The following RPS6KA2 variants were observed in gnomAD, a reference collection of about 807,000 sequenced individuals.
The protein encoded by RPS6KA2 is ribosomal protein S6 kinase A2.
A neutral mutation model predicts 91.8 loss-of-function variants in RPS6KA2; 42 were observed. The observed-to-expected ratio is 0.46, with a 90% confidence interval of 0.36 to 0.59. RPS6KA2 has a LOEUF of 0.59. Ranked by LOEUF, RPS6KA2 falls within the 20% of genes least tolerant of loss-of-function variation. The pLI, the probability that RPS6KA2 is intolerant of heterozygous loss-of-function variation, is 0.00. For synonymous variants in RPS6KA2, 414 were observed against 393.6 expected, an observed-to-expected ratio of 1.05 and a Z score of -0.61; for missense variants, 798 against 978.5, an observed-to-expected ratio of 0.82 and a Z score of 2.46.
At chr6:166,744,187 C>T (rs1373316529) in intron 2 of RPS6KA2, among the ~76,000 whole-genome samples, 1 of 152,260 alleles carries the variant, frequency 6.6e-6, no homozygotes, top group East Asian at 1.9e-4. Context: ...GAAATTCCAT[C>T]CACCGACCTG....
rs963760993 is a variant in RPS6KA2 at position 166,626,555 on chromosome 6, A to G, written c.99+366T>C. On this transcript the variant is annotated intron_variant, in intron 1 of 20. Transcript: ENST00000265678. The surrounding 1 kb of genome is among the most constrained non-coding windows in gnomAD (Gnocchi z 4.1). ...GCTTCTCCACTCGGGACTTTGAGGG[A>G]CCCCCGCGGAGCGCTCCGCGCCACT... 1.3e-5 allele frequency among the ~76,000 whole-genome samples: 2 copies of G among 152,046 alleles called. No individual in the cohort carries two copies. Among genetic ancestry groups the G allele is most frequent in the African/African-American group, 4.8e-5 (2 of 41,474 alleles).
chr6:166,497,180 C>A (rs1391077014), intron 8 of RPS6KA2, among the ~76,000 whole-genome samples: 2 of 152,242 alleles, frequency 1.3e-5, no homozygotes, highest in Non-Finnish European at 2.9e-5. Context: ...ATGGAGAGGA[C>A]CTGCTCCTTA....
At chr6:166,532,244 T>A (rs1418461117) in intron 2 of RPS6KA2, among the ~76,000 whole-genome samples, 5 of 152,142 alleles carry the variant, frequency 3.3e-5, no homozygotes, top group Admixed American at 2.6e-4. Context: ...CAAGTGAGCA[T>A]CCGTGTGGAG....
At chr6:166,462,262 C>T (rs961429475) in intron 11 of RPS6KA2, among the ~76,000 whole-genome samples, 5 of 152,244 alleles carry the variant, frequency 3.3e-5, no homozygotes, top group Non-Finnish European at 5.9e-5. Flanking sequence ...CCATGGAACC[C>T]CCGGTGGGGC....
intron 14 of RPS6KA2, among the ~76,000 whole-genome samples, chr6:166,442,563 A>C (rs1324113735): frequency 1.3e-5 from 2 of 152,014 alleles, no homozygotes; most frequent in African/African-American, 2.4e-5. Context: ...TGAAGTATTT[A>C]CTCTCGTCAT....
At chr6:166,646,130 C>T (rs887674390) in intron 2 of RPS6KA2, among the ~76,000 whole-genome samples, 2 of 152,200 alleles carry the variant, frequency 1.3e-5, no homozygotes, top group Non-Finnish European at 2.9e-5. Flanking sequence ...GCACTGAACC[C>T]ATGACCCAGG....
At chr6:166,675,000 G>A (rs1359572733) in intron 2 of RPS6KA2, among the ~76,000 whole-genome samples, 1 of 152,174 alleles carries the variant, frequency 6.6e-6, no homozygotes, top group African/African-American at 2.4e-5. Flanking sequence ...ATATTTCTAC[G>A]AAATATTCTG....
At position 166,459,629 on chromosome 6, in the gene RPS6KA2, T is replaced by C. The variant is rs2128459837; in HGVS notation, c.973-78A>G. 2.0e-6 allele frequency: 2 copies of C among 993,806 alleles called. No homozygotes were observed. Among genetic ancestry groups the C allele is most frequent in the Non-Finnish European group, 3.1e-6 (2 of 640,686 alleles). The allele number at this position is 993,806 out of a possible 1,614,324, so 61.6% of individuals were successfully genotyped here. ...ACAGAACACTGGGGACAGAGAAACC[T>C]GCTGTGGGGAGGGAAGGATGTTCTT... is the stretch of plus-strand genomic sequence containing the variant. On this transcript the variant is annotated intron_variant, in intron 11 of 20. Transcript: ENST00000265678. The surrounding 1 kb of genome is among the most constrained non-coding windows in gnomAD (Gnocchi z 4.9).
At chr6:166,636,297 C>T (rs545510834) in intron 2 of RPS6KA2, among the ~76,000 whole-genome samples, 2 of 152,194 alleles carry the variant, frequency 1.3e-5, no homozygotes, top group South Asian at 2.1e-4. Flanking sequence ...CCTGCAGAGG[C>T]CTTTCTGGAT....
At chr6:166,809,868 G>A (rs1232992463) in intron 2 of RPS6KA2, among the ~76,000 whole-genome samples, 2 of 152,222 alleles carry the variant, frequency 1.3e-5, no homozygotes, top group East Asian at 3.8e-4. Context: ...ATGTGAGGAC[G>A]CTCATGCAGC....
chr6:166,792,535 G>T (rs1326845777), intron 2 of RPS6KA2, among the ~76,000 whole-genome samples: 11 of 151,714 alleles, frequency 7.3e-5, no homozygotes, highest in African/African-American at 2.7e-4. Flanking sequence ...ACCAAAGCCT[G>T]GCAGAGACAC....
chr6:166,475,129 C>T (rs1583181989), intron 10 of RPS6KA2, among the ~76,000 whole-genome samples: 1 of 140,344 alleles, frequency 7.1e-6, no homozygotes, highest in Middle Eastern at 3.6e-3. Flanking sequence ...GTGTGACCCT[C>T]CAAGGCCTCT....
At chr6:166,517,472 T>G (rs1452911581) in intron 3 of RPS6KA2, among the ~76,000 whole-genome samples, 4 of 60,500 alleles carry the variant, frequency 6.6e-5, no homozygotes, top group Admixed American at 1.8e-4. Context: ...TTTTTTTTTT[T>G]TTTTTTTTTT....
At chr6:166,855,002 C>T (rs1780849450) in intron 2 of RPS6KA2, among the ~76,000 whole-genome samples, 1 of 152,266 alleles carries the variant, frequency 6.6e-6, no homozygotes, top group East Asian at 1.9e-4. Context: ...TCATGGAATA[C>T]TATTCAGCCA....
At chr6:166,667,697 G>A (rs931410992) in intron 2 of RPS6KA2, among the ~76,000 whole-genome samples, 26 of 152,194 alleles carry the variant, frequency 1.7e-4, no homozygotes, top group African/African-American at 5.5e-4. Flanking sequence ...TCAGAATCAC[G>A]AGCCAAAGAA....
Position 166,419,872 on chromosome 6 carries a change from G to T in RPS6KA2, c.1820+10C>A. 6.2e-7 allele frequency: 1 copy of T among 1,612,140 alleles called. No individual in the cohort carries two copies. The highest frequency in any genetic ancestry group is 1.1e-5 in the South Asian group (1 of 90,990). On this transcript the variant is annotated intron_variant, in intron 18 of 20. Coordinates refer to ENST00000265678, the MANE Select transcript of RPS6KA2 (RefSeq NM_021135.6). The surrounding 1 kb of genome is among the most constrained non-coding windows in gnomAD (Gnocchi z 5.6). ...TCTCCTCCTGACACCTGTTTGAGGTGACTGCTTACCCTGCCAGCATGGTGT... is the reference window on the plus strand; with the variant it reads ...TCTCCTCCTGACACCTGTTTGAGGTTACTGCTTACCCTGCCAGCATGGTGT...
chr6:166,413,730 G>A, intron 20 of RPS6KA2, 64 bp downstream of exon 20: 2 of 1,555,454 alleles, frequency 1.3e-6, no homozygotes, highest in Non-Finnish European at 1.8e-6. Context: ...TGATTGCAAG[G>A]TATCAGGCTC....
chr6:166,803,621 C>T (rs1779422062), intron 2 of RPS6KA2, among the ~76,000 whole-genome samples: 1 of 152,208 alleles, frequency 6.6e-6, no homozygotes, highest in African/African-American at 2.4e-5. Flanking sequence ...AAATGCTTAG[C>T]TGACTAATTC....
At chr6:166,823,367 C>T (rs1338315512) in intron 2 of RPS6KA2, among the ~76,000 whole-genome samples, 1 of 151,780 alleles carries the variant, frequency 6.6e-6, no homozygotes, top group Non-Finnish European at 1.5e-5. Flanking sequence ...TGGTGAAAGT[C>T]AAAGACCTGA....
Sources: allele counts gnomAD v4.1 joint callset (sites outside exome capture counted in the v4.1 genomes callset), GRCh38; gene constraint gnomAD v4.1.1; non-coding constraint Gnocchi (gnomAD v3.1); transcripts MANE v1.5; gene names NCBI Gene and HGNC (gene_info 2026-07-23, HGNC 2026-07-21).